Variants in AP2A2 observed in about 807,000 individuals in gnomAD.
AP2A2 encodes the protein AP-2 complex subunit alpha-2.
In AP2A2, 32 loss-of-function variants were observed where a neutral mutation model predicts 104.2. The ratio of observed to expected loss-of-function variants is 0.31; its 90% confidence interval spans 0.23 to 0.41. The LOEUF (loss-of-function observed/expected upper bound fraction) is 0.41, where lower values mean the gene tolerates loss of function less well. AP2A2 is among the 10% of genes least tolerant of loss of function. AP2A2 has a pLI of 1.00. For missense variants in AP2A2, 912 were observed against 1,261.0 expected (o/e 0.72, Z 4.19); for synonymous variants, 539 against 533.3 (o/e 1.01, Z -0.15).
Position 962,184 on chromosome 11 carries a change from T to G in AP2A2, c.136+2679T>G, listed in dbSNP as rs994423378. Among the ~76,000 whole-genome samples, 55 of 152,224 alleles carry G rather than the reference T, an allele frequency of 3.6e-4. 1 individual carries two copies. Among genetic ancestry groups the G allele is most frequent in the Non-Finnish European group, 1.0e-4 (7 of 68,042 alleles). ...CGGACCATGACAAAGCCAGCCTTAC[T>G]CTTGGTGTCACTGGGCCTTCACTGA... On this transcript the variant is annotated intron_variant, in intron 2 of 21. Coordinates refer to ENST00000448903, the MANE Select transcript of AP2A2 (RefSeq NM_012305.4).
At chr11:974,822 T>C (rs568270346) in intron 4 of AP2A2, among the ~76,000 whole-genome samples, 37 of 150,658 alleles carry the variant, frequency 2.5e-4, no homozygotes, top group Admixed American at 4.0e-4. Context: ...CCGTCTCTAC[T>C]AAAACCAGAA....
intron 10 of AP2A2, among the ~76,000 whole-genome samples, chr11:989,009 A>G (rs945754720): frequency 1.8e-4 from 27 of 152,106 alleles, no homozygotes; most frequent in African/African-American, 6.0e-4. Flanking sequence ...AAAAATCAGC[A>G]TTTTTGGTAG....
chr11:1,000,185 C>G (rs960980195), intron 14 of AP2A2, among the ~76,000 whole-genome samples: 2 of 152,064 alleles, frequency 1.3e-5, no homozygotes, highest in Non-Finnish European at 2.9e-5. Context: ...TGTAGGGTGC[C>G]TTAGTGAAAT....
At chr11:988,458 G>A in intron 9 of AP2A2, 94 bp from the exon 10 acceptor site, 1 of 1,463,190 alleles carries the variant, frequency 6.8e-7, no homozygotes, top group Non-Finnish European at 9.3e-7. Context: ...AACTCAGAGT[G>A]GGTGTTGAGA....
intron 15 of AP2A2, among the ~76,000 whole-genome samples, chr11:1,003,030 G>A (rs1856076549): frequency 6.6e-6 from 1 of 152,254 alleles, no homozygotes; most frequent in African/African-American, 2.4e-5. Flanking sequence ...CTAGGTCACT[G>A]TGGAGTTACA....
chr11:983,369 ATTATTTATTTAT>A lies in AP2A2; in HGVS notation c.706-1257_706-1246del, dbSNP rs72210326. ...TGGGTTAATTTGCTAGTCTCTTTTT[ATTATTTATTTAT>A]TTATTTATTTATTTATTTTGAGATG... On this transcript the variant is annotated intron_variant, in intron 6 of 21. Coordinates refer to ENST00000448903, the MANE Select transcript of AP2A2 (RefSeq NM_012305.4). 9.8e-4 allele frequency among the ~76,000 whole-genome samples: 143 copies of A among 146,286 alleles called. 1 individual carries two copies. The highest frequency in any genetic ancestry group is 1.3e-3 in the African/African-American group (50 of 39,304).
At chr11:934,456 C>T (rs987641042) in intron 1 of AP2A2, among the ~76,000 whole-genome samples, 10 of 152,180 alleles carry the variant, frequency 6.6e-5, no homozygotes, top group African/African-American at 2.4e-5. Context: ...GTAGCCCTGT[C>T]GAGAGCCTGG....
chr11:947,009 T>TC (rs1853864614), intron 1 of AP2A2: 1 of 78,590 alleles, frequency 1.3e-5, no homozygotes, highest in African/African-American at 4.6e-5. Flanking sequence ...TTTTTTCTTT[T>TC]CTTTTTTTTT....
chr11:991,033 G>T (rs557157485), intron 10 of AP2A2, among the ~76,000 whole-genome samples: 3 of 149,280 alleles, frequency 2.0e-5, no homozygotes, highest in Non-Finnish European at 3.0e-5. Context: ...CCTTTCAGCC[G>T]GGCACGATGC....
intron 15 of AP2A2, among the ~76,000 whole-genome samples, chr11:1,001,814 C>T (rs1179862796): frequency 6.6e-6 from 1 of 152,198 alleles, no homozygotes; most frequent in Admixed American, 6.5e-5. Context: ...GTGCTGGGAG[C>T]TGCACATGGC....
At chr11:995,160 C>T (rs1855810767) in intron 14 of AP2A2, among the ~76,000 whole-genome samples, 1 of 152,230 alleles carries the variant, frequency 6.6e-6, no homozygotes, top group African/African-American at 2.4e-5. Flanking sequence ...CGTCCCCTCT[C>T]CTACAGGACT....
chr11:954,043 C>T (rs1028045171), intron 1 of AP2A2, among the ~76,000 whole-genome samples: 5 of 152,128 alleles, frequency 3.3e-5, no homozygotes, highest in Non-Finnish European at 5.9e-5. Context: ...CCATGCTGGC[C>T]AGGCTGGTCT....
intron 2 of AP2A2, among the ~76,000 whole-genome samples, chr11:969,758 G>T (rs1439880686): frequency 6.6e-6 from 1 of 152,148 alleles, no homozygotes; most frequent in Admixed American, 6.6e-5. Context: ...GTGTTCATAT[G>T]CCTAAATTAA....
Position 972,118 on chromosome 11 carries a change from C to T in AP2A2, c.336C>T (p.Ile112=), listed in dbSNP as rs117612040. Residue 112 remains isoleucine (I), a synonymous_variant, in exon 4 of 22, where the codon ATC becomes ATT. Coordinates refer to ENST00000448903, the MANE Select transcript of AP2A2 (RefSeq NM_012305.4). The part of the protein sequence containing the change: ...VNSNSELIRL[I]NNAIKNDLAS... ...CAAACAGTGAGCTGATCCGCCTGAT[C>T]AACAACGCCATCAAGAATGACCTGG... is the stretch of plus-strand genomic sequence containing the variant. 6.2e-7 allele frequency: 1 copy of T among 1,613,654 alleles called. No homozygotes were observed. The highest frequency in any genetic ancestry group is 1.3e-5 in the African/African-American group (1 of 74,944).
chr11:986,980 T>G (rs1277001724), intron 9 of AP2A2, 27 bp downstream of exon 9: 2 of 1,555,384 alleles, frequency 1.3e-6, no homozygotes, highest in South Asian at 2.4e-5. Flanking sequence ...TGGGTTCTGC[T>G]CACTCCCTGA....
intron 4 of AP2A2, 129 bp downstream of exon 4, chr11:972,384 C>T: frequency 9.1e-7 from 1 of 1,104,842 alleles, no homozygotes; most frequent in South Asian, 1.6e-5. Context: ...GAGATGTAGC[C>T]TAAGGTGGGA....
At chr11:972,293 G>A in intron 4 of AP2A2, 38 bp downstream of exon 4, 1 of 1,523,206 alleles carries the variant, frequency 6.6e-7, no homozygotes, top group Non-Finnish European at 8.8e-7. Flanking sequence ...TGCTGAAGAT[G>A]TGCTGCTTTC....
Position 992,447 on chromosome 11 carries a change from G to A in AP2A2, c.1270-56G>A. 6.5e-7 allele frequency: 1 copy of A among 1,530,734 alleles called. No individual in the cohort carries two copies. Among genetic ancestry groups the A allele is most frequent in the South Asian group, 1.2e-5 (1 of 83,830 alleles). The allele number at this position is 1,530,734 out of a possible 1,614,324, so 94.8% of individuals were successfully genotyped here. Reference sequence around the variant, plus strand: ...CACTTTGACTTTGGACGACAGTTTGGTCTTGGGATTGCCATGGCCTGCAGG... The same window carrying A: ...CACTTTGACTTTGGACGACAGTTTGATCTTGGGATTGCCATGGCCTGCAGG... On this transcript the variant is annotated intron_variant, in intron 10 of 21. Coordinates refer to ENST00000448903, the MANE Select transcript of AP2A2 (RefSeq NM_012305.4). This position sits in a 1 kb window ranked among gnomAD's most constrained non-coding sequence, Gnocchi z 6.4.
chr11:927,534 A>C (rs1853159583), intron 1 of AP2A2, among the ~76,000 whole-genome samples: 1 of 150,598 alleles, frequency 6.6e-6, no homozygotes, highest in African/African-American at 2.4e-5. Context: ...AAAAGCATAG[A>C]GCTGGGTGCG....
Sources: gnomAD v4.1 joint callset for allele counts (sites outside exome capture counted in the v4.1 genomes callset) on GRCh38, gnomAD v4.1.1 for gene constraint, Gnocchi (gnomAD v3.1) non-coding constraint, MANE v1.5 for transcripts, NCBI Gene and HGNC (gene_info 2026-07-23, HGNC 2026-07-21) for gene names.